The following SMCHD1 variants were observed in gnomAD, a reference collection of about 807,000 sequenced individuals.
SMCHD1 encodes the protein structural maintenance of chromosomes flexible hinge domain-containing protein 1.
In SMCHD1, 78 loss-of-function variants were observed where a neutral mutation model predicts 254.7. That is an observed-to-expected ratio of 0.31 (90% confidence interval 0.26 to 0.37). The LOEUF is 0.37. Ranked by LOEUF, SMCHD1 falls within the 10% of genes least tolerant of loss-of-function variation. SMCHD1 has a pLI of 1.00. For missense variants in SMCHD1, 1,840 were observed against 2,408.1 expected, an observed-to-expected ratio of 0.76 and a Z score of 4.94; for synonymous variants, 766 against 794.9, an observed-to-expected ratio of 0.96 and a Z score of 0.61.
intron 25 of SMCHD1, among the ~76,000 whole-genome samples, chr18:2,734,126 T>G (rs1288743498): frequency 1.3e-5 from 2 of 152,174 alleles, no homozygotes; most frequent in Non-Finnish European, 2.9e-5. Context: ...TCTAGCCAGC[T>G]TTTTTTCCCC....
chr18:2,752,779 C>T (rs1377844582), intron 34 of SMCHD1: 5 of 408,566 alleles, frequency 1.2e-5, no homozygotes, highest in Middle Eastern at 7.1e-4. Context: ...TTGAAACTAT[C>T]GAAGCCATCA....
Position 2,666,955 on chromosome 18 carries a change from C to T in SMCHD1, c.348C>T (p.Asp116=). ...LLLTATKERI[D]FLPHYDTLVK... ...TGACAGCTACGAAAGAACGAATTGA[C>T]TTCTTACCTCACTATGACACACTGG... The change falls in exon 3 of 48, where the codon GAC becomes GAT. Residue 116 remains aspartate (D), a synonymous_variant. Coordinates refer to ENST00000320876, the MANE Select transcript of SMCHD1 (RefSeq NM_015295.3). The T allele has an allele frequency of 1.2e-6, 2 of 1,611,514 alleles. No individual in the cohort carries two copies. The highest frequency in any genetic ancestry group is 1.7e-6 in the Non-Finnish European group (2 of 1,178,580).
intron 45 of SMCHD1, among the ~76,000 whole-genome samples, chr18:2,790,408 A>T (rs1021727521): frequency 6.6e-6 from 1 of 152,136 alleles, no homozygotes; most frequent in Non-Finnish European, 1.5e-5. Context: ...TGTTGTTGTT[A>T]ATCTACTATG....
In SMCHD1 at chr18:2,752,566, C is replaced by G; in HGVS notation, c.4346+14C>G. On this transcript the variant is annotated intron_variant, in intron 34 of 47. Coordinates refer to ENST00000320876, the MANE Select transcript of SMCHD1 (RefSeq NM_015295.3). ...CTTCTATTTCAGGTATTTCTCAAAA[C>G]ATTTCATATTTTGAATACATATCTT... 1 of 1,499,988 alleles carries G rather than the reference C, an allele frequency of 6.7e-7. No homozygotes were observed. The highest frequency in any genetic ancestry group is 2.3e-5 in the East Asian group (1 of 44,082). 92.9% of individuals were successfully genotyped at this position (1,499,988 alleles called of 1,614,324 possible).
intron 1 of SMCHD1, among the ~76,000 whole-genome samples, chr18:2,659,584 T>A (rs1568059587): frequency 6.6e-6 from 1 of 152,140 alleles, no homozygotes; most frequent in Non-Finnish European, 1.5e-5. Context: ...TTTGGTTAGT[T>A]CTAAAATATG....
chr18:2,703,698 C>A lies in SMCHD1; in HGVS notation c.1654C>A (p.Arg552=). 1 of 1,603,828 alleles carries A rather than the reference C, an allele frequency of 6.2e-7. No homozygotes were observed. Among genetic ancestry groups the A allele is most frequent in the Non-Finnish European group, 8.5e-7 (1 of 1,175,848 alleles). Residue 552 remains arginine (R), a synonymous_variant, in exon 13 of 48, where the codon CGA becomes AGA. Coordinates refer to ENST00000320876, the MANE Select transcript of SMCHD1 (RefSeq NM_015295.3). The part of the protein sequence containing the change: ...FTRILNGQEQ[R]MKIDREFALW... ...ACATTTTAAAATTCTACAGGAACAG[C>A]GAATGAAAATTGACAGAGAATTTGC... is the stretch of plus-strand genomic sequence containing the variant.
At chr18:2,746,740 T>C (rs932950913) in intron 29 of SMCHD1, among the ~76,000 whole-genome samples, 4 of 152,090 alleles carry the variant, frequency 2.6e-5, no homozygotes, top group Non-Finnish European at 4.4e-5. Flanking sequence ...ATAAATCAGT[T>C]TTTTTTTGTA....
chr18:2,748,384 A>AAATTTTTTTTTTTTTGTGTG (rs2075504984), intron 30 of SMCHD1, among the ~76,000 whole-genome samples: 1 of 68,288 alleles, frequency 1.5e-5, no homozygotes, highest in African/African-American at 7.0e-5. Flanking sequence ...GTGTGTGTGT[A>AAATTTTTTTTTTTTTGTGTG]TATAAATTTT....
At chr18:2,715,693 T>A (rs926256141) in intron 17 of SMCHD1, among the ~76,000 whole-genome samples, 33 of 151,724 alleles carry the variant, frequency 2.2e-4, no homozygotes, top group Middle Eastern at 6.8e-3. Flanking sequence ...TCTAAAAAAA[T>A]TTTTTTTTAA....
chr18:2,775,668 T>C, intron 41 of SMCHD1, 66 bp from the exon 42 acceptor site: 1 of 1,419,586 alleles, frequency 7.0e-7, no homozygotes, highest in Non-Finnish European at 9.5e-7. Context: ...GCTTGGGCTT[T>C]TAACATAATA....
In SMCHD1 at chr18:2,778,064, C is replaced by T. The variant is rs144496386; in HGVS notation, c.5477-105C>T. The stretch of plus-strand genomic sequence containing the variant: ...TTTTAGAGTACAAATAAAATTAGAA[C>T]GAATACTAGCACTCTTTCAAAGAAA... On this transcript the variant is annotated intron_variant, in intron 43 of 47. Transcript: ENST00000320876. 59 of 984,630 alleles carry T rather than the reference C, an allele frequency of 6.0e-5. No homozygotes were observed. The African/African-American group carries it at 8.4e-4, about 14-fold the overall frequency. 61.0% of individuals were successfully genotyped at this position (984,630 alleles called of 1,614,324 possible).
At chr18:2,774,126 A>AT (rs142753043) in intron 41 of SMCHD1, among the ~76,000 whole-genome samples, 9 of 151,392 alleles carry the variant, frequency 5.9e-5, no homozygotes, top group South Asian at 2.1e-4. Flanking sequence ...CAGTTTTAAG[A>AT]TTTTTTTTTC....
intron 9 of SMCHD1, 69 bp from the exon 10 acceptor site, chr18:2,697,762 G>C: frequency 4.0e-6 from 4 of 1,004,270 alleles, no homozygotes; most frequent in Non-Finnish European, 6.1e-6. Context: ...TTCTGTTGTT[G>C]AATCATAGCT....
At chr18:2,745,529 A>G (rs2075437723) in intron 29 of SMCHD1, among the ~76,000 whole-genome samples, 1 of 152,200 alleles carries the variant, frequency 6.6e-6, no homozygotes, top group Non-Finnish European at 1.5e-5. Context: ...GTGTTGACTA[A>G]AGGGTTTTAC....
chr18:2,726,350 T>C, intron 21 of SMCHD1, 102 bp from the exon 22 acceptor site: 1 of 572,052 alleles, frequency 1.7e-6, no homozygotes. Context: ...ATTTCTACAA[T>C]GGTATGAAAA....
chr18:2,712,759 C>G (rs62084222), intron 17 of SMCHD1, among the ~76,000 whole-genome samples: 29,554 of 152,180 alleles, frequency 0.19, 3,117 homozygotes, highest in South Asian at 0.27. Context: ...TGCTCCAGCT[C>G]ATTTTCCTCA....
intron 29 of SMCHD1, among the ~76,000 whole-genome samples, chr18:2,747,217 G>A (rs960915757): frequency 6.6e-6 from 1 of 152,170 alleles, no homozygotes; most frequent in African/African-American, 2.4e-5. Flanking sequence ...CAAATACTAT[G>A]CAATTTTATA....
Position 2,718,103 on chromosome 18 carries a change from C to G in SMCHD1, c.2261-55C>G. Reference sequence around the variant, plus strand: ...GGTGCCAATGTGACATTGCGTATTTCATGTTTTACGTTGAATTTCTCAAGA... The same window carrying G: ...GGTGCCAATGTGACATTGCGTATTTGATGTTTTACGTTGAATTTCTCAAGA... On this transcript the variant is annotated intron_variant, in intron 17 of 47. Transcript: ENST00000320876. This position sits in a 1 kb window ranked among gnomAD's most constrained non-coding sequence, Gnocchi z 4.6. The G allele has an allele frequency of 7.2e-7, 1 of 1,391,570 alleles. No individual in the cohort carries two copies. Among genetic ancestry groups the G allele is most frequent in the Non-Finnish European group, 1.0e-6 (1 of 1,003,256 alleles). 86.2% of individuals were successfully genotyped at this position (1,391,570 alleles called of 1,614,324 possible). A position where few individuals can be genotyped will look rare whatever the true frequency, so the allele number is the denominator to read the frequency against.
intron 37 of SMCHD1, among the ~76,000 whole-genome samples, chr18:2,764,953 T>A (rs950465358): frequency 1.3e-5 from 2 of 152,212 alleles, no homozygotes; most frequent in African/African-American, 4.8e-5. Flanking sequence ...GCCAGTGCTC[T>A]TCAGTTTATA....
Sources: allele counts gnomAD v4.1 joint callset (sites outside exome capture counted in the v4.1 genomes callset), GRCh38; gene constraint gnomAD v4.1.1; non-coding constraint Gnocchi (gnomAD v3.1); transcripts MANE v1.5; gene names NCBI Gene and HGNC (gene_info 2026-07-23, HGNC 2026-07-21).